PLA2G4A: variants seen among roughly 807,000 people sequenced by gnomAD.
The protein encoded by PLA2G4A is phospholipase A2 group IVA, also known as cytosolic phospholipase A2.
Under a neutral mutation model 81.9 loss-of-function variants are expected in PLA2G4A, and 40 were observed. The observed-to-expected ratio is 0.49, with a 90% CI of 0.38 to 0.64. The LOEUF (loss-of-function observed/expected upper bound fraction) is 0.64. Ranked by LOEUF, PLA2G4A falls within the 30% of genes least tolerant of loss-of-function variation. The pLI is 0.00. For synonymous variants in PLA2G4A, 302 were observed against 296.9 expected (o/e 1.02, Z -0.18); for missense variants, 715 against 905.1 (o/e 0.79, Z 2.69).
chr1:186,846,576 A>G (rs1166818068), intron 1 of PLA2G4A, among the ~76,000 whole-genome samples: 1 of 152,190 alleles, frequency 6.6e-6, no homozygotes, highest in Non-Finnish European at 1.5e-5. Flanking sequence ...ACATTGGTAC[A>G]GTGCTATTAA....
At chr1:186,866,277 C>T (rs949797146) in intron 2 of PLA2G4A, among the ~76,000 whole-genome samples, 7 of 152,138 alleles carry the variant, frequency 4.6e-5, no homozygotes, top group Non-Finnish European at 1.0e-4. Context: ...TGAAACTGAA[C>T]ATCTTTCTCC....
intron 10 of PLA2G4A, among the ~76,000 whole-genome samples, chr1:186,940,794 T>C (rs1656124684): frequency 6.6e-6 from 1 of 152,196 alleles, no homozygotes; most frequent in African/African-American, 2.4e-5. Context: ...TTGATAGAAT[T>C]TGCTGAACTC....
At chr1:186,864,200 T>C (rs1412555443) in intron 2 of PLA2G4A, among the ~76,000 whole-genome samples, 1 of 152,080 alleles carries the variant, frequency 6.6e-6, no homozygotes, top group African/African-American at 2.4e-5. Context: ...CATTCATCCA[T>C]TGATGGGCAC....
chr1:186,892,509 A>G (rs1326041844), intron 3 of PLA2G4A, among the ~76,000 whole-genome samples: 1 of 152,220 alleles, frequency 6.6e-6, no homozygotes, highest in African/African-American at 2.4e-5. Context: ...ATTCTTCTGC[A>G]TATGGAGATC....
chr1:186,918,696 A>G (rs1655234563), intron 7 of PLA2G4A, among the ~76,000 whole-genome samples: 1 of 152,222 alleles, frequency 6.6e-6, no homozygotes, highest in Admixed American at 6.5e-5. Context: ...CTACACAGTT[A>G]TGCTCGCCCG....
chr1:186,972,049 A>G (rs1657374569), intron 15 of PLA2G4A, among the ~76,000 whole-genome samples: 1 of 152,128 alleles, frequency 6.6e-6, no homozygotes, highest in Admixed American at 6.5e-5. Context: ...ATATTTTGTC[A>G]AGAAGATACA....
At chr1:186,859,790 A>G (rs1331613019) in intron 2 of PLA2G4A, among the ~76,000 whole-genome samples, 1 of 152,192 alleles carries the variant, frequency 6.6e-6, no homozygotes, top group Admixed American at 6.6e-5. Context: ...CAGTTACATG[A>G]TCATGGACAC....
In PLA2G4A at chr1:186,988,566, C is replaced by T; in HGVS notation, c.*58C>T. On this transcript the variant is annotated 3_prime_UTR_variant, in exon 18 of 18. Coordinates refer to ENST00000367466, the MANE Select transcript of PLA2G4A (RefSeq NM_024420.3). ...GCTGAGGCAGTTTGCAATCCCATGACAACTGGATTTAAAAGTACAGTACAG... is the reference window on the plus strand; with the variant it reads ...GCTGAGGCAGTTTGCAATCCCATGATAACTGGATTTAAAAGTACAGTACAG... 1 of 1,494,478 alleles carries T rather than the reference C, an allele frequency of 6.7e-7. No individual in the cohort carries two copies. Among genetic ancestry groups the T allele is most frequent in the Non-Finnish European group, 9.3e-7 (1 of 1,076,548 alleles). 92.6% of individuals were successfully genotyped at this position (1,494,478 alleles called of 1,614,324 possible).
intron 15 of PLA2G4A, among the ~76,000 whole-genome samples, chr1:186,974,298 C>T (rs1038971779): frequency 1.3e-5 from 2 of 152,062 alleles, no homozygotes; most frequent in African/African-American, 4.8e-5. Context: ...TGAGGGCATC[C>T]AGCCTGGCCA....
intron 7 of PLA2G4A, among the ~76,000 whole-genome samples, chr1:186,926,821 C>G (rs1246845807): frequency 1.3e-5 from 2 of 152,164 alleles, no homozygotes; most frequent in African/African-American, 2.4e-5. Context: ...AAGCGTCCAG[C>G]AAAATGTATA....
intron 7 of PLA2G4A, among the ~76,000 whole-genome samples, chr1:186,916,223 C>G (rs989016712): frequency 1.3e-5 from 2 of 152,124 alleles, no homozygotes; most frequent in African/African-American, 2.4e-5. Context: ...CTGGCCCTGT[C>G]GATTCCTAAG....
chr1:186,859,177 C>CACAT (rs1344056306), intron 2 of PLA2G4A, among the ~76,000 whole-genome samples: 1 of 152,056 alleles, frequency 6.6e-6, no homozygotes, highest in African/African-American at 2.4e-5. Flanking sequence ...GATGCAGGGA[C>CACAT]ATGTTGGAGA....
At chr1:186,834,671 A>C (rs897935335) in intron 1 of PLA2G4A, among the ~76,000 whole-genome samples, 3 of 152,144 alleles carry the variant, frequency 2.0e-5, no homozygotes, top group Admixed American at 2.0e-4. Context: ...AGTAGTATGT[A>C]TACTACTTTA....
At chr1:186,952,607 G>C (rs1026452289) in intron 13 of PLA2G4A, among the ~76,000 whole-genome samples, 1 of 152,158 alleles carries the variant, frequency 6.6e-6, no homozygotes, top group East Asian at 1.9e-4. Context: ...CTCACTGTTA[G>C]TGTATATTCT....
intron 3 of PLA2G4A, among the ~76,000 whole-genome samples, chr1:186,879,283 A>AT (rs1443657425): frequency 1.3e-5 from 2 of 152,004 alleles, no homozygotes; most frequent in Admixed American, 6.6e-5. Context: ...CAACGTTGAG[A>AT]TTTTAACTTC....
At chr1:186,926,333 A>C (rs1655545887) in intron 7 of PLA2G4A, among the ~76,000 whole-genome samples, 1 of 152,244 alleles carries the variant, frequency 6.6e-6, no homozygotes, top group Admixed American at 6.5e-5. Context: ...TATCCTTCAA[A>C]AAAATATTAA....
intron 7 of PLA2G4A, among the ~76,000 whole-genome samples, chr1:186,927,243 C>A (rs1337782137): frequency 6.6e-6 from 1 of 152,156 alleles, no homozygotes; most frequent in Non-Finnish European, 1.5e-5. Flanking sequence ...GAATTCAAAT[C>A]TGATAAGCAA....
At chr1:186,870,342 G>A in intron 2 of PLA2G4A, 93 bp from the exon 3 acceptor site, 1 of 779,980 alleles carries the variant, frequency 1.3e-6, no homozygotes. Flanking sequence ...CATGCTACTT[G>A]TTTTTAAGTA....
chr1:186,870,847 G>A, intron 3 of PLA2G4A: 1 of 682,932 alleles, frequency 1.5e-6, no homozygotes, highest in East Asian at 3.7e-5. Flanking sequence ...TTCTTCAAAT[G>A]TGGTTATGTT....
Sources: gnomAD v4.1 joint callset for allele counts (sites outside exome capture counted in the v4.1 genomes callset) on GRCh38, gnomAD v4.1.1 for gene constraint, MANE v1.5 for transcripts, NCBI Gene and HGNC (gene_info 2026-07-23, HGNC 2026-07-21) for gene names.